Variants in TCEANC2 observed in about 807,000 individuals in gnomAD.
TCEANC2 encodes the protein transcription elongation factor A N-terminal and central domain containing 2.
A neutral mutation model predicts 22.8 loss-of-function variants in TCEANC2; 20 were observed. The observed-to-expected ratio is 0.88, with a 90% CI of 0.62 to 1.28. The LOEUF (loss-of-function observed/expected upper bound fraction) is 1.28, where lower values mean the gene tolerates loss of function less well. TCEANC2 is among the 50% of genes most tolerant of loss of function. The probability of loss-of-function intolerance (pLI) is 0.00; values close to 1 mark genes in which losing one functional copy is unlikely to be tolerated. For synonymous variants in TCEANC2, 84 were observed against 95.5 expected, an observed-to-expected ratio of 0.88 and a Z score of 0.70; for missense variants, 251 against 249.7, an observed-to-expected ratio of 1.01 and a Z score of -0.03.
At chr1:54,057,483 G>A (rs1046175397) in intron 2 of TCEANC2, among the ~76,000 whole-genome samples, 2 of 149,648 alleles carry the variant, frequency 1.3e-5, no homozygotes, top group Admixed American at 1.3e-4. Context: ...GAGCCACTAC[G>A]CCTGGCCCCA....
At position 54,096,456 on chromosome 1, in the gene TCEANC2, C is replaced by G; in HGVS notation, c.610C>G (p.Gln204Glu). 6.2e-7 allele frequency: 1 copy of G among 1,605,270 alleles called. No homozygotes were observed. The highest frequency in any genetic ancestry group is 8.5e-7 in the Non-Finnish European group (1 of 1,172,528). Residue 204 changes from glutamine to glutamate, a missense_variant, in exon 5 of 5, where the codon CAG becomes GAG. Coordinates refer to ENST00000234827, the MANE Select transcript of TCEANC2 (RefSeq NM_153035.3). This position sits in a 1 kb window ranked among gnomAD's most constrained non-coding sequence, Gnocchi z 4.9. Reference sequence around the variant, plus strand: ...CTCGCTGCCAGTCGGCACGTTTGTACAGACCCACAAAAAGTGACCTGAGGA... The same window carrying G: ...CTCGCTGCCAGTCGGCACGTTTGTAGAGACCCACAAAAAGTGACCTGAGGA... ...SGSLPVGTFV[Q>E]THKK is the part of the protein sequence containing the mutation.
chr1:54,076,118 TA>T (rs1338273068), intron 3 of TCEANC2, among the ~76,000 whole-genome samples: 1 of 152,180 alleles, frequency 6.6e-6, no homozygotes, highest in Non-Finnish European at 1.5e-5. Flanking sequence ...ATTTTAGGTT[TA>T]GGGGTACATG....
rs1468674621 is a variant in TCEANC2 at position 54,101,195 on chromosome 1, A to T, written c.*4722A>T. ...TCAGAACCTTACTCTGAGATTGGTA[A>T]TGTGTTTTGAATGTGTTTATCACAG... On this transcript the variant is annotated 3_prime_UTR_variant, in exon 5 of 5. Transcript: ENST00000234827. The T allele has an allele frequency of 1.3e-5, 2 of 152,124 alleles. No individual in the cohort carries two copies. The highest frequency in any genetic ancestry group is 1.3e-4 in the Admixed American group (2 of 15,266). The allele number at this position is 152,124 out of a possible 1,614,324, so 9.4% of individuals were successfully genotyped here. A position where few individuals can be genotyped will look rare whatever the true frequency, so the allele number is the denominator to read the frequency against.
At chr1:54,110,278 G>A (rs1557698802), downstream of TCEANC2, among the ~76,000 whole-genome samples, 1 of 152,264 alleles carries the variant, frequency 6.6e-6, no homozygotes, top group Middle Eastern at 3.4e-3. Context: ...AGAATATACT[G>A]CAGGTCATGT....
At chr1:54,093,160 G>A (rs1658479887) in intron 4 of TCEANC2, among the ~76,000 whole-genome samples, 1 of 152,118 alleles carries the variant, frequency 6.6e-6, no homozygotes, top group Non-Finnish European at 1.5e-5. Context: ...AGAAAGGATC[G>A]ATTTCTAAAT....
At position 54,054,392 on chromosome 1, in the gene TCEANC2, A is replaced by G; in HGVS notation, c.-31A>G. On this transcript the variant is annotated 5_prime_UTR_variant, in exon 2 of 5. Coordinates refer to ENST00000234827, the MANE Select transcript of TCEANC2 (RefSeq NM_153035.3). ...TCTTTCTTGACCAGAACACGCTGCA[A>G]GCACGTCAAGGTAGTCGGAGTCCCC... The G allele has an allele frequency of 1.9e-6, 3 of 1,613,582 alleles. No homozygotes were observed. Among genetic ancestry groups the G allele is most frequent in the Non-Finnish European group, 2.5e-6 (3 of 1,179,768 alleles).
downstream of TCEANC2, among the ~76,000 whole-genome samples, chr1:54,108,060 G>A (rs1172733782): frequency 6.6e-6 from 1 of 152,194 alleles, no homozygotes; most frequent in South Asian, 2.1e-4. Flanking sequence ...AATAGCCCTT[G>A]AGAACATCCT....
At chr1:54,081,397 T>C (rs1004891788) in intron 3 of TCEANC2, among the ~76,000 whole-genome samples, 1 of 151,982 alleles carries the variant, frequency 6.6e-6, no homozygotes, top group African/African-American at 2.4e-5. Flanking sequence ...CCCAGTCAAT[T>C]CTTTTATTTA....
In TCEANC2 at chr1:54,059,444, A is replaced by G. The variant is rs116174019; in HGVS notation, c.102+4920A>G. On this transcript the variant is annotated intron_variant, in intron 2 of 4. Coordinates refer to ENST00000234827, the MANE Select transcript of TCEANC2 (RefSeq NM_153035.3). ...TGGGATTACAGGCGTAAGCCACCAC[A>G]CTCTGTCAGGATCTTGAGTATTTTA... 9.0e-3 allele frequency among the ~76,000 whole-genome samples: 1,372 copies of G among 152,060 alleles called. 19 individuals carry two copies. The highest frequency in any genetic ancestry group is 0.031 in the African/African-American group (1,297 of 41,520).
downstream of TCEANC2, among the ~76,000 whole-genome samples, chr1:54,108,720 C>T (rs191994314): frequency 6.6e-6 from 1 of 152,218 alleles, no homozygotes; most frequent in South Asian, 2.1e-4. Context: ...TGCCTGTAAT[C>T]CCAGCACTTT....
intron 3 of TCEANC2, among the ~76,000 whole-genome samples, chr1:54,071,197 T>C (rs777849116): frequency 2.0e-5 from 3 of 152,238 alleles, no homozygotes; most frequent in Admixed American, 2.0e-4. Context: ...TTGGCATATG[T>C]ATTAGTTATC....
intron 2 of TCEANC2, among the ~76,000 whole-genome samples, chr1:54,056,220 G>C (rs919964383): frequency 6.6e-6 from 1 of 152,176 alleles, no homozygotes; most frequent in Non-Finnish European, 1.5e-5. Context: ...GATCATGTCA[G>C]ACTCTCTCCA....
chr1:54,073,027 A>G (rs7537946), intron 3 of TCEANC2, among the ~76,000 whole-genome samples: 84,826 of 151,952 alleles, frequency 0.56, 26,323 homozygotes, highest in African/African-American at 0.83. Flanking sequence ...GTGCAGTGGC[A>G]CAGTCACAGC....
At chr1:54,083,051 A>C (rs1658275679) in intron 3 of TCEANC2, among the ~76,000 whole-genome samples, 1 of 152,176 alleles carries the variant, frequency 6.6e-6, no homozygotes, top group African/African-American at 2.4e-5. Flanking sequence ...TTAAGGAAGT[A>C]GATCTATATG....
chr1:54,104,911 C>T lies in TCEANC2; in HGVS notation c.*8438C>T, dbSNP rs994194187. On this transcript the variant is annotated 3_prime_UTR_variant, in exon 5 of 5. Coordinates refer to ENST00000234827, the MANE Select transcript of TCEANC2 (RefSeq NM_153035.3). ...TGACCTGAGCAGGATATGCTGACTT[C>T]AGGCTCAGCCCCCTCAGGGCTGAGG... 5 of 244,488 alleles carry T rather than the reference C, an allele frequency of 2.0e-5. No homozygotes were observed. Among genetic ancestry groups the T allele is most frequent in the African/African-American group, 1.1e-4 (5 of 44,592 alleles). 15.1% of individuals were successfully genotyped at this position (244,488 alleles called of 1,614,324 possible).
chr1:54,056,594 G>A (rs867370257), intron 2 of TCEANC2, among the ~76,000 whole-genome samples: 3 of 151,892 alleles, frequency 2.0e-5, no homozygotes, highest in Non-Finnish European at 2.9e-5. Context: ...CAAAGTGCTG[G>A]GATTACAGGC....
chr1:54,064,714 T>G lies in TCEANC2; in HGVS notation c.103-4042T>G, dbSNP rs1213986537. On this transcript the variant is annotated intron_variant, in intron 2 of 4. Coordinates refer to ENST00000234827, the MANE Select transcript of TCEANC2 (RefSeq NM_153035.3). ...TTCCTTTTTTTTTTTTTTTTTTTTT[T>G]TGGGGGACGGAGTCTCACTGTGTCA... Among the ~76,000 whole-genome samples the G allele has an allele frequency of 1.2e-3, 171 of 145,696 alleles. 1 individual carries two copies. The highest frequency in any genetic ancestry group is 4.2e-3 in the African/African-American group (162 of 38,608).
intron 3 of TCEANC2, among the ~76,000 whole-genome samples, chr1:54,081,136 A>G (rs1198205385): frequency 6.6e-6 from 1 of 152,196 alleles, no homozygotes; most frequent in Middle Eastern, 3.2e-3. Context: ...TACCTGTAAA[A>G]TGGGGAACTA....
intron 3 of TCEANC2, among the ~76,000 whole-genome samples, chr1:54,071,202 G>C (rs969507647): frequency 6.6e-6 from 1 of 152,194 alleles, no homozygotes; most frequent in African/African-American, 2.4e-5. Context: ...ATATGTATTA[G>C]TTATCTATCA....
Sources: allele counts gnomAD v4.1 joint callset (sites outside exome capture counted in the v4.1 genomes callset), GRCh38; gene constraint gnomAD v4.1.1; non-coding constraint Gnocchi (gnomAD v3.1); transcripts MANE v1.5; gene names NCBI Gene and HGNC (gene_info 2026-07-23, HGNC 2026-07-21).